Variants in BLTP3B observed in about 807,000 individuals in gnomAD.
BLTP3B encodes the protein bridge-like lipid transfer protein family member 3B.
the BLTP3B span, chr12:100,060,022 C>T: frequency 1.4e-4 from 231 of 1,600,548 alleles, 1 homozygote; most frequent in Non-Finnish European, 2.8e-5. Flanking sequence ...ATTCAGCTGG[C>T]TATAGAGGTT....
the BLTP3B span, among the ~76,000 whole-genome samples, chr12:100,080,106 G>T: frequency 6.6e-6 from 1 of 152,228 alleles, no homozygotes; most frequent in South Asian, 2.1e-4. Context: ...GGGCAGTGTG[G>T]AAGGGAAATG....
chr12:100,110,436 A>C, the BLTP3B span, among the ~76,000 whole-genome samples: 1 of 152,018 alleles, frequency 6.6e-6, no homozygotes, highest in South Asian at 2.1e-4. Context: ...CTAACCATAG[A>C]TAACAAACAA....
chr12:100,076,389 T>C, the BLTP3B span, among the ~76,000 whole-genome samples: 1 of 60,634 alleles, frequency 1.6e-5, no homozygotes, highest in Non-Finnish European at 3.1e-5. Context: ...CTCAGCAATC[T>C]TTTTTTTTTT....
chr12:100,119,626 G>C, the BLTP3B span, among the ~76,000 whole-genome samples: 5 of 151,924 alleles, frequency 3.3e-5, no homozygotes, highest in African/African-American at 1.2e-4. Flanking sequence ...ACAGAGTCCA[G>C]AAAAAGACCC....
chr12:100,105,128 G>C, the BLTP3B span, among the ~76,000 whole-genome samples: 2 of 152,006 alleles, frequency 1.3e-5, no homozygotes, highest in African/African-American at 4.8e-5. Context: ...CACAGAATTA[G>C]AAAAAACAAT....
chr12:100,076,127 A>AC, the BLTP3B span, among the ~76,000 whole-genome samples: 50 of 152,148 alleles, frequency 3.3e-4, no homozygotes, highest in African/African-American at 1.2e-3. Flanking sequence ...TAAAAAAAAA[A>AC]AAACTATTAG....
At chr12:100,137,370 C>G in the BLTP3B span, among the ~76,000 whole-genome samples, 3 of 152,164 alleles carry the variant, frequency 2.0e-5, no homozygotes, top group Non-Finnish European at 2.9e-5. Flanking sequence ...GCACTCTAAT[C>G]CCTCTCATCA....
chr12:100,088,305 C>A, the BLTP3B span, among the ~76,000 whole-genome samples: 1 of 152,138 alleles, frequency 6.6e-6, no homozygotes, highest in Non-Finnish European at 1.5e-5. Context: ...GCCAGGGATG[C>A]TCTCCAGCAG....
the BLTP3B span, chr12:100,059,222 A>C: frequency 1.5e-3 from 2,500 of 1,614,086 alleles, 4 homozygotes; most frequent in Non-Finnish European, 1.9e-3. Flanking sequence ...CAGAAGTTTT[A>C]AGAGTGTTTT....
At chr12:100,084,255 G>C in the BLTP3B span, among the ~76,000 whole-genome samples, 1 of 151,850 alleles carries the variant, frequency 6.6e-6, no homozygotes, top group Non-Finnish European at 1.5e-5. Flanking sequence ...ACTTTGCGGA[G>C]GGCCAAGGTG....
chr12:100,064,541 G>A, the BLTP3B span, among the ~76,000 whole-genome samples: 901 of 152,238 alleles, frequency 5.9e-3, 8 homozygotes, highest in African/African-American at 0.02. Flanking sequence ...TGAGACAGAA[G>A]CACCAGGTAA....
chr12:100,055,129 A>G, the BLTP3B span, among the ~76,000 whole-genome samples: 1,116 of 152,148 alleles, frequency 7.3e-3, 11 homozygotes, highest in African/African-American at 0.025. Context: ...ACTTATGTAA[A>G]GAGTAAATTT....
chr12:100,109,854 A>G, the BLTP3B span, among the ~76,000 whole-genome samples: 2 of 152,162 alleles, frequency 1.3e-5, no homozygotes, highest in East Asian at 1.9e-4. Flanking sequence ...CTTGGCATAC[A>G]TGCGTGACTA....
At chr12:100,083,918 G>A in the BLTP3B span, among the ~76,000 whole-genome samples, 1 of 152,196 alleles carries the variant, frequency 6.6e-6, no homozygotes, top group African/African-American at 2.4e-5. Context: ...GCCGGGCGTG[G>A]TGGCTCACGC....
At chr12:100,107,633 CA>C in the BLTP3B span, among the ~76,000 whole-genome samples, 9 of 149,946 alleles carry the variant, frequency 6.0e-5, no homozygotes, top group South Asian at 2.1e-4. Context: ...GACTCCGTCT[CA>C]AAAAAAAATC....
the BLTP3B span, among the ~76,000 whole-genome samples, chr12:100,097,040 A>G: frequency 6.6e-6 from 1 of 152,196 alleles, no homozygotes; most frequent in Non-Finnish European, 1.5e-5. Flanking sequence ...TGATCATGCC[A>G]CTGTAATCAA....
At chr12:100,070,056 T>C in the BLTP3B span, 4 of 1,405,098 alleles carry the variant, frequency 2.8e-6, no homozygotes, top group Non-Finnish European at 3.7e-6. Flanking sequence ...ACAATGAATT[T>C]AGATTTACAA....
At chr12:100,060,118 G>T in the BLTP3B span, 2 of 1,136,524 alleles carry the variant, frequency 1.8e-6, no homozygotes, top group Non-Finnish European at 2.4e-6. Flanking sequence ...AAAAATACAT[G>T]TTTAGTCAGT....
chr12:100,124,972 A>ATG, the BLTP3B span, among the ~76,000 whole-genome samples: 1 of 86,908 alleles, frequency 1.2e-5, no homozygotes, highest in Non-Finnish European at 2.1e-5. Context: ...ATATATATAT[A>ATG]TATATATTTA....
Sources: allele counts gnomAD v4.1 joint callset (sites outside exome capture counted in the v4.1 genomes callset), GRCh38; gene constraint gnomAD v4.1.1; transcripts MANE v1.5; gene names NCBI Gene and HGNC (gene_info 2026-07-23, HGNC 2026-07-21).